The following SPAG16 variants were observed in gnomAD, a reference collection of about 807,000 sequenced individuals.
SPAG16 encodes sperm associated antigen 16.
In SPAG16, 86 loss-of-function variants were observed where a neutral mutation model predicts 80.4. The observed-to-expected ratio is 1.07, with a 90% CI of 0.90 to 1.28. SPAG16 has a LOEUF of 1.28. Among genes scored for constraint, SPAG16 ranks in the 50% most tolerant of loss-of-function variants. The pLI is 0.00. For missense variants in SPAG16, 870 were observed against 765.3 expected (o/e 1.14, Z -1.61); for synonymous variants, 294 against 265.9 (o/e 1.11, Z -1.03).
intron 10 of SPAG16, among the ~76,000 whole-genome samples, chr2:213,742,558 T>TG (rs1559428594): frequency 1.1e-4 from 17 of 150,742 alleles, no homozygotes; most frequent in African/African-American, 2.9e-4. Flanking sequence ...TTTTTTTTTT[T>TG]TTTTTTTTTT....
intron 10 of SPAG16, among the ~76,000 whole-genome samples, chr2:213,755,025 G>C (rs1206182441): frequency 6.6e-6 from 1 of 152,128 alleles, no homozygotes; most frequent in African/African-American, 2.4e-5. Flanking sequence ...AAGGTACTGA[G>C]ATGTAATATA....
At chr2:214,083,069 A>T (rs1318438108) in intron 13 of SPAG16, among the ~76,000 whole-genome samples, 1 of 152,160 alleles carries the variant, frequency 6.6e-6, no homozygotes, top group East Asian at 1.9e-4. Context: ...ACCTTACATG[A>T]TGAATTTACT....
At chr2:214,197,434 T>C (rs1047338436) in intron 15 of SPAG16, among the ~76,000 whole-genome samples, 2 of 151,952 alleles carry the variant, frequency 1.3e-5, no homozygotes, top group Non-Finnish European at 1.5e-5. Context: ...TTGGACATAG[T>C]CTACAATATG....
intron 15 of SPAG16, among the ~76,000 whole-genome samples, chr2:214,403,776 T>C (rs1036159771): frequency 3.9e-5 from 6 of 152,182 alleles, no homozygotes; most frequent in African/African-American, 1.2e-4. Flanking sequence ...GAAAAATATA[T>C]GGCATGGCCC....
chr2:213,913,031 T>C (rs1053478723), intron 11 of SPAG16, among the ~76,000 whole-genome samples: 6 of 152,128 alleles, frequency 3.9e-5, no homozygotes, highest in African/African-American at 1.4e-4. Context: ...CACTATCTGT[T>C]TTTCTAAACA....
chr2:213,541,890 TG>T (rs2076460042), intron 10 of SPAG16, among the ~76,000 whole-genome samples: 1 of 152,172 alleles, frequency 6.6e-6, no homozygotes, highest in Non-Finnish European at 1.5e-5. Flanking sequence ...TCTTCCTCAC[TG>T]GGGGTTGACA....
intron 12 of SPAG16, among the ~76,000 whole-genome samples, chr2:213,992,252 T>A (rs1448222606): frequency 6.6e-6 from 1 of 152,168 alleles, no homozygotes; most frequent in Non-Finnish European, 1.5e-5. Context: ...CGAGAATTGT[T>A]TAGCGTTGCA....
At chr2:214,108,127 G>A in intron 13 of SPAG16, 69 bp from the exon 14 acceptor site, 3 of 1,213,668 alleles carry the variant, frequency 2.5e-6, no homozygotes, top group South Asian at 1.4e-5. Context: ...AAACTTAAAA[G>A]CATCTTTGAA....
chr2:213,684,809 A>G (rs2064579066), intron 10 of SPAG16, among the ~76,000 whole-genome samples: 1 of 152,244 alleles, frequency 6.6e-6, no homozygotes, highest in African/African-American at 2.4e-5. Context: ...CAATGTAATG[A>G]GGATAAATGG....
chr2:213,829,034 G>A (rs1234368304), intron 10 of SPAG16, among the ~76,000 whole-genome samples: 2 of 152,042 alleles, frequency 1.3e-5, no homozygotes, highest in Non-Finnish European at 1.5e-5. Flanking sequence ...CCACTACCTG[G>A]CTAATGCCTA....
intron 15 of SPAG16, among the ~76,000 whole-genome samples, chr2:214,406,087 A>G (rs150165991): frequency 1.8e-3 from 273 of 152,300 alleles, no homozygotes; most frequent in African/African-American, 6.0e-3. Flanking sequence ...TTAAGTACTG[A>G]TAAGTCAAGT....
chr2:214,273,793 C>A (rs1484230800), intron 15 of SPAG16, among the ~76,000 whole-genome samples: 11 of 152,050 alleles, frequency 7.2e-5, no homozygotes, highest in Admixed American at 7.2e-4. Context: ...TTTTTTGTTT[C>A]CATATGAAAT....
chr2:214,019,423 A>T (rs2047746923), intron 13 of SPAG16, among the ~76,000 whole-genome samples: 1 of 152,188 alleles, frequency 6.6e-6, no homozygotes, highest in Non-Finnish European at 1.5e-5. Context: ...TGAGTCAGAC[A>T]CAGAGGGTTC....
chr2:213,974,996 A>G (rs2106392213), intron 12 of SPAG16, among the ~76,000 whole-genome samples: 1 of 151,364 alleles, frequency 6.6e-6, no homozygotes, highest in African/African-American at 2.4e-5. Flanking sequence ...ACATTAAGAA[A>G]ACTACCATAG....
chr2:213,299,250 T>G (rs910281892), intron 3 of SPAG16, among the ~76,000 whole-genome samples: 1 of 152,096 alleles, frequency 6.6e-6, no homozygotes, highest in Non-Finnish European at 1.5e-5. Flanking sequence ...AAAAAATGAC[T>G]TATTGCGACT....
chr2:214,116,639 GT>G (rs1339209952), intron 14 of SPAG16, among the ~76,000 whole-genome samples: 1 of 152,154 alleles, frequency 6.6e-6, no homozygotes, highest in African/African-American at 2.4e-5. Flanking sequence ...GCACACCTGT[GT>G]GGGCCACTGG....
At chr2:213,384,766 C>T (rs914955468) in intron 9 of SPAG16, among the ~76,000 whole-genome samples, 1 of 152,172 alleles carries the variant, frequency 6.6e-6, no homozygotes, top group Admixed American at 6.5e-5. Flanking sequence ...TCTCAGTATC[C>T]TGATCATCCA....
chr2:213,707,943 G>A (rs528525207), intron 10 of SPAG16, among the ~76,000 whole-genome samples: 1 of 152,202 alleles, frequency 6.6e-6, no homozygotes, highest in Admixed American at 6.5e-5. Flanking sequence ...CAATGATAGA[G>A]TAATGAAAAT....
In SPAG16 at chr2:214,149,077, G is replaced by GTA. The variant is rs1553515469; in HGVS notation, c.1594-44_1594-43dup. The GTA allele has an allele frequency of 2.5e-3, 608 of 239,868 alleles. 3 individuals carry two copies. The highest frequency in any genetic ancestry group is 6.4e-3 in the Middle Eastern group (5 of 782). The allele number at this position is 239,868 out of a possible 1,614,324, so 14.9% of individuals were successfully genotyped here. On this transcript the variant is annotated intron_variant, in intron 14 of 15. Coordinates refer to ENST00000331683, the MANE Select transcript of SPAG16 (RefSeq NM_024532.5). The stretch of plus-strand genomic sequence containing the variant: ...TGTATATATATATGTGTGTGTGTGT[G>GTA]TATATATATATATATATATACATAC...
Sources: allele counts gnomAD v4.1 joint callset (sites outside exome capture counted in the v4.1 genomes callset), GRCh38; gene constraint gnomAD v4.1.1; transcripts MANE v1.5; gene names NCBI Gene and HGNC (gene_info 2026-07-23, HGNC 2026-07-21).